TENM1: variants seen among roughly 807,000 people sequenced by gnomAD.
TENM1 encodes the protein teneurin transmembrane protein 1.
A neutral mutation model predicts 174.8 loss-of-function variants in TENM1; 35 were observed. That is an observed-to-expected ratio of 0.20 (90% CI 0.15 to 0.27). The LOEUF (loss-of-function observed/expected upper bound fraction) is 0.27, where lower values mean the gene tolerates loss of function less well. Among genes scored for constraint, TENM1 ranks in the 10% least tolerant of loss-of-function variants. The probability of loss-of-function intolerance (pLI) is 1.00; values close to 1 mark genes in which losing one functional copy is unlikely to be tolerated. For missense variants in TENM1, 1,633 were observed against 2,130.1 expected (o/e 0.77, Z 4.59); for synonymous variants, 781 against 798.7 (o/e 0.98, Z 0.37).
intron 1 of TENM1, among the ~76,000 whole-genome samples, chrX:124,940,174 A>G (rs1279993693): frequency 9.0e-6 from 1 of 111,628 alleles, no homozygotes; most frequent in Admixed American, 9.5e-5. Context: ...CCCTGGCCAC[A>G]AGTGATTGAT....
the TENM1 span, among the ~76,000 whole-genome samples, chrX:125,109,974 T>A: frequency 1.8e-5 from 2 of 111,701 alleles, no homozygotes; most frequent in Non-Finnish European, 3.8e-5. Flanking sequence ...TTCTAAGCTG[T>A]AGTATCTAGG....
In TENM1 at chrX:124,741,464, C is replaced by T. The variant is rs141691927; in HGVS notation, c.536-4267G>A. On this transcript the variant is annotated intron_variant, in intron 3 of 31. Transcript: ENST00000422452. ...CAATTCACTGCACTATGCAAAATCA[C>T]ACCTAACCAAAGGGTTATGGAAAAA... Among the ~76,000 whole-genome samples the T allele has an allele frequency of 2.4e-3, 271 of 111,369 alleles. 3 individuals are homozygous for T. The East Asian group carries it at 0.025, about 10-fold the overall frequency.
intron 4 of TENM1, among the ~76,000 whole-genome samples, chrX:124,711,161 A>G (rs958704104): frequency 8.9e-6 from 1 of 111,849 alleles, no homozygotes; most frequent in Admixed American, 9.5e-5. Context: ...TAAAAAGGAA[A>G]GGCAAGATAT....
At chrX:124,428,163 C>T (rs998011799) in intron 23 of TENM1, among the ~76,000 whole-genome samples, 3 of 112,031 alleles carry the variant, frequency 2.7e-5, no homozygotes, top group African/African-American at 9.7e-5. Flanking sequence ...GTGCCTATCT[C>T]CCAACAACCT....
chrX:124,959,872 T>C (rs1358310862), intron 1 of TENM1, among the ~76,000 whole-genome samples: 2 of 111,607 alleles, frequency 1.8e-5, no homozygotes, highest in Non-Finnish European at 1.9e-5. Context: ...ATCTCTTGAG[T>C]GTGTCTCTTC....
intron 6 of TENM1, among the ~76,000 whole-genome samples, chrX:124,658,120 G>C (rs2051494856): frequency 9.0e-6 from 1 of 111,682 alleles, no homozygotes; most frequent in Admixed American, 9.5e-5. Context: ...ATGCTTTAAA[G>C]GGTTCAAAGG....
At chrX:124,984,195 A>G in the TENM1 span, among the ~76,000 whole-genome samples, 1 of 111,794 alleles carries the variant, frequency 8.9e-6, no homozygotes, top group African/African-American at 3.2e-5. Flanking sequence ...TGTTGCTTCC[A>G]GACTGAATAA....
the TENM1 span, among the ~76,000 whole-genome samples, chrX:125,175,741 A>G: frequency 4.5e-5 from 5 of 110,775 alleles, no homozygotes; most frequent in African/African-American, 1.6e-4. Flanking sequence ...ATGTGTAGAG[A>G]AAAAATAAGG....
chrX:124,589,558 G>A (rs756883268), intron 11 of TENM1, among the ~76,000 whole-genome samples: 1 of 110,728 alleles, frequency 9.0e-6, no homozygotes, highest in East Asian at 2.8e-4. Flanking sequence ...GGCTCTTCTG[G>A]TTGCTAGAGT....
intron 14 of TENM1, among the ~76,000 whole-genome samples, chrX:124,559,129 G>GA (rs942418273): frequency 2.9e-4 from 32 of 111,809 alleles, no homozygotes; most frequent in Non-Finnish European, 4.9e-4. Flanking sequence ...ACTAAGGCAG[G>GA]AAACATTGGC....
At chrX:124,396,318 TCGAGCCGGA>T (rs2060332995) in intron 27 of TENM1, among the ~76,000 whole-genome samples, 7 of 101,540 alleles carry the variant, frequency 6.9e-5, no homozygotes, top group Non-Finnish European at 1.0e-4. Flanking sequence ...TTTTTTTTTT[TCGAGCCGGA>T]GTTTTGCTCT....
At chrX:124,818,044 T>A (rs969448916) in intron 3 of TENM1, among the ~76,000 whole-genome samples, 5 of 107,691 alleles carry the variant, frequency 4.6e-5, no homozygotes, top group African/African-American at 1.7e-4. Flanking sequence ...TGTCACTGAT[T>A]TTTTTTTTTA....
At chrX:124,931,983 T>C (rs2058179662) in intron 1 of TENM1, among the ~76,000 whole-genome samples, 1 of 111,422 alleles carries the variant, frequency 9.0e-6, no homozygotes, top group Non-Finnish European at 1.9e-5. Flanking sequence ...CTTAAGAACA[T>C]GCCATCATTT....
At chrX:125,078,046 G>T in the TENM1 span, among the ~76,000 whole-genome samples, 1 of 111,723 alleles carries the variant, frequency 9.0e-6, no homozygotes, top group Admixed American at 9.5e-5. Flanking sequence ...GACAAACCCT[G>T]GGGTATGATA....
At chrX:124,406,233 T>G (rs2060460398) in intron 26 of TENM1, 84 bp downstream of exon 29, 1 of 739,783 alleles carries the variant, frequency 1.4e-6, no homozygotes, top group Admixed American at 3.1e-5. Flanking sequence ...AGGTGAATTC[T>G]GTTTATGAAT....
chrX:124,578,011 A>G (rs2858413), intron 11 of TENM1, among the ~76,000 whole-genome samples: 25,047 of 105,021 alleles, frequency 0.24, 2,440 homozygotes, highest in South Asian at 0.41. Flanking sequence ...CGGTGGCGTT[A>G]ACCTCTCAGG....
At chrX:124,645,300 G>A (rs1278902223) in exon 10 of TENM1, 1 of 1,211,009 alleles carries the variant, frequency 8.3e-7, no homozygotes, top group Non-Finnish European at 1.1e-6. Context: ...GTCCTTTCTC[G>A]TATTCTCCAT....
intron 1 of TENM1, among the ~76,000 whole-genome samples, chrX:124,949,729 G>A (rs746579875): frequency 4.5e-5 from 5 of 111,880 alleles, no homozygotes; most frequent in Non-Finnish European, 9.4e-5. Context: ...CAGTGTTTCA[G>A]TCAGAGATGA....
At chrX:125,039,825 C>CTTTTTTTTTTTTTTTTTTT in the TENM1 span, among the ~76,000 whole-genome samples, 3 of 111,389 alleles carry the variant, frequency 2.7e-5, no homozygotes, top group African/African-American at 9.8e-5. Context: ...TGAGCCTTTT[C>CTTTTTTTTTTTTTTTTTTT]TTATTAACCT....
Sources: allele counts gnomAD v4.1 joint callset (sites outside exome capture counted in the v4.1 genomes callset), GRCh38; gene constraint gnomAD v4.1.1; transcripts MANE v1.5; gene names NCBI Gene and HGNC (gene_info 2026-07-23, HGNC 2026-07-21).